The following FHDC1 variants were observed in gnomAD, a reference collection of about 807,000 sequenced individuals.
FHDC1 encodes the protein FH2 domain-containing protein 1.
Under a neutral mutation model 52.6 loss-of-function variants are expected in FHDC1, and 25 were observed. That is an observed-to-expected ratio of 0.48 (90% CI 0.35 to 0.66). The LOEUF (loss-of-function observed/expected upper bound fraction) is 0.66, where lower values mean the gene tolerates loss of function less well. Among genes scored for constraint, FHDC1 ranks in the 30% least tolerant of loss-of-function variants. The pLI is 0.01. For missense variants in FHDC1, 1,459 were observed against 1,452.8 expected, an observed-to-expected ratio of 1.00 and a Z score of -0.07; for synonymous variants, 616 against 581.5, an observed-to-expected ratio of 1.06 and a Z score of -0.85.
chr4:152,960,777 G>A lies in FHDC1; in HGVS notation c.783G>A (p.Lys261=). Residue 261 remains lysine (K), a synonymous_variant, in exon 6 of 12, where the codon AAG becomes AAA. Coordinates refer to ENST00000511601, the MANE Select transcript of FHDC1 (RefSeq NM_001371116.1). ...TTCGGATTGAAGCCATGGTGCTAAA[G>A]AAGGAATTTCTACCTTCTTGCTCTT... The part of the protein sequence containing the change: ...YSLRIEAMVL[K]KEFLPSCSSL... 6.2e-7 allele frequency: 1 copy of A among 1,613,194 alleles called. No individual in the cohort carries two copies. The highest frequency in any genetic ancestry group is 8.5e-7 in the Non-Finnish European group (1 of 1,179,862).
chr4:152,963,078 C>G lies in FHDC1; in HGVS notation c.977C>G (p.Ala326Gly). 6.2e-7 allele frequency: 1 copy of G among 1,613,756 alleles called. No individual in the cohort carries two copies. The highest frequency in any genetic ancestry group is 8.5e-7 in the Non-Finnish European group (1 of 1,180,008). ...GFKLSSLLKLADTKANKPGMN... is the reference protein window; with the variant it reads ...GFKLSSLLKLGDTKANKPGMN... ...AAACTGTCTTCTTTGCTCAAATTGG[C>G]AGACACAAAAGCAAACAAACCTGGG... The change falls in exon 8 of 12, where the codon GCA (alanine) becomes GGA (glycine). Residue 326 changes from alanine to glycine, a missense_variant. Coordinates refer to ENST00000511601, the MANE Select transcript of FHDC1 (RefSeq NM_001371116.1).
chr4:152,959,196 T>TA (rs1464977417), intron 4 of FHDC1, among the ~76,000 whole-genome samples: 1 of 152,256 alleles, frequency 6.6e-6, no homozygotes, highest in Non-Finnish European at 1.5e-5. Flanking sequence ...TACACTTCAC[T>TA]AATAGTATTA....
At chr4:152,938,634 C>G (rs1054596791) in intron 1 of FHDC1, among the ~76,000 whole-genome samples, 24 of 152,222 alleles carry the variant, frequency 1.6e-4, no homozygotes, top group Non-Finnish European at 2.8e-4. Context: ...GCTCTCCAAA[C>G]TCGGCTTGTT....
At chr4:152,955,603 G>A (rs1283769324) in intron 4 of FHDC1, among the ~76,000 whole-genome samples, 1 of 152,144 alleles carries the variant, frequency 6.6e-6, no homozygotes, top group Non-Finnish European at 1.5e-5. Flanking sequence ...TCCTGCCTCA[G>A]CTTCCCAAGT....
intron 10 of FHDC1, among the ~76,000 whole-genome samples, chr4:152,969,794 T>C (rs965411170): frequency 2.0e-5 from 3 of 151,204 alleles, no homozygotes; most frequent in Non-Finnish European, 4.4e-5. Context: ...CTCAGCCTCC[T>C]GAGCAGCTGA....
At chr4:152,935,773 G>A (rs1179744637), upstream of FHDC1, among the ~76,000 whole-genome samples, 1 of 152,188 alleles carries the variant, frequency 6.6e-6, no homozygotes, top group Non-Finnish European at 1.5e-5. Flanking sequence ...GCTCTCCAGG[G>A]AGAAGCAAGT....
At chr4:152,962,303 T>C (rs1389479540) in intron 6 of FHDC1, among the ~76,000 whole-genome samples, 1 of 152,204 alleles carries the variant, frequency 6.6e-6, no homozygotes, top group Non-Finnish European at 1.5e-5. Context: ...CCTCGCGGTT[T>C]GTGCTTTGCA....
intron 1 of FHDC1, among the ~76,000 whole-genome samples, chr4:152,937,253 T>C (rs1169316474): frequency 6.6e-6 from 1 of 152,124 alleles, no homozygotes; most frequent in East Asian, 1.9e-4. Flanking sequence ...CGTGGGAAGA[T>C]GTCGCGGCGG....
intron 2 of FHDC1, among the ~76,000 whole-genome samples, chr4:152,948,721 G>A (rs1326303807): frequency 1.3e-5 from 2 of 152,162 alleles, no homozygotes; most frequent in Non-Finnish European, 2.9e-5. Context: ...CTCCCAATGT[G>A]CTGGGATTAC....
chr4:152,918,181 T>G, the FHDC1 span, among the ~76,000 whole-genome samples: 1 of 152,350 alleles, frequency 6.6e-6, no homozygotes. Context: ...TGAAAACAAG[T>G]CTTTTTTCCC....
At chr4:152,946,955 G>A (rs114206549) in intron 2 of FHDC1, among the ~76,000 whole-genome samples, 1,964 of 152,022 alleles carry the variant, frequency 0.013, 55 homozygotes, top group African/African-American at 0.045. Context: ...ACGGTGGCTC[G>A]CACCTGTAAT....
chr4:152,971,646 A>C (rs1052440520), intron 10 of FHDC1, among the ~76,000 whole-genome samples: 1 of 152,228 alleles, frequency 6.6e-6, no homozygotes, highest in African/African-American at 2.4e-5. Context: ...TTAGGAGAAA[A>C]TGAAGAAGCA....
chr4:152,952,265 C>A (rs762308006), intron 2 of FHDC1, among the ~76,000 whole-genome samples: 2 of 152,090 alleles, frequency 1.3e-5, no homozygotes, highest in Non-Finnish European at 2.9e-5. Context: ...GTCCATAAAT[C>A]AGGGTTGGGA....
At chr4:152,919,495 A>G in the FHDC1 span, among the ~76,000 whole-genome samples, 5 of 152,242 alleles carry the variant, frequency 3.3e-5, no homozygotes, top group Non-Finnish European at 7.3e-5. Context: ...AGATGGTCCT[A>G]TCCATGTTGC....
the FHDC1 span, among the ~76,000 whole-genome samples, chr4:152,919,670 T>C: frequency 6.6e-6 from 1 of 152,228 alleles, no homozygotes; most frequent in Non-Finnish European, 1.5e-5. Flanking sequence ...AGTGGCAGAA[T>C]TCATCTGAAG....
At chr4:152,925,132 A>T in the FHDC1 span, among the ~76,000 whole-genome samples, 1 of 152,188 alleles carries the variant, frequency 6.6e-6, no homozygotes, top group East Asian at 1.9e-4. Flanking sequence ...TTTACTAAAG[A>T]TTTATTCAAG....
At chr4:152,967,399 C>T (rs1740497087) in intron 9 of FHDC1, among the ~76,000 whole-genome samples, 1 of 152,026 alleles carries the variant, frequency 6.6e-6, no homozygotes, top group African/African-American at 2.4e-5. Flanking sequence ...TGCAATCCAG[C>T]CTGAGTGACA....
intron 2 of FHDC1, among the ~76,000 whole-genome samples, chr4:152,944,091 T>C (rs994593690): frequency 1.3e-5 from 2 of 152,246 alleles, no homozygotes; most frequent in African/African-American, 2.4e-5. Context: ...ATTATGGCCA[T>C]TGGGGAACAG....
the FHDC1 span, among the ~76,000 whole-genome samples, chr4:152,922,441 G>A: frequency 1.3e-5 from 2 of 152,112 alleles, no homozygotes; most frequent in Admixed American, 6.6e-5. Context: ...AGGAGGAACT[G>A]GTACCATTCC....
Sources: gnomAD v4.1 joint callset for allele counts (sites outside exome capture counted in the v4.1 genomes callset) on GRCh38, gnomAD v4.1.1 for gene constraint, MANE v1.5 for transcripts, NCBI Gene and HGNC (gene_info 2026-07-23, HGNC 2026-07-21) for gene names.